CD226: variants seen among roughly 807,000 people sequenced by gnomAD.
The protein encoded by CD226 is CD226 antigen.
Under a neutral mutation model 34.9 loss-of-function variants are expected in CD226, and 24 were observed. The ratio of observed to expected loss-of-function variants is 0.69; its 90% CI spans 0.50 to 0.97. The LOEUF is 0.97. Ranked by LOEUF, CD226 falls within the 50% of genes least tolerant of loss-of-function variation. The pLI is 0.00. For missense variants in CD226, 397 were observed against 412.7 expected, an observed-to-expected ratio of 0.96 and a Z score of 0.33; for synonymous variants, 148 against 147.4, an observed-to-expected ratio of 1.00 and a Z score of -0.03.
chr18:69,924,692 C>CAACAAAA (rs563205777), intron 2 of CD226, among the ~76,000 whole-genome samples: 2 of 57,110 alleles, frequency 3.5e-5, no homozygotes, highest in Non-Finnish European at 6.3e-5. Flanking sequence ...AAGGTATTGC[C>CAACAAAA]AAAAAAAAAA....
intron 3 of CD226, among the ~76,000 whole-genome samples, chr18:69,892,166 T>C (rs1360707779): frequency 6.6e-6 from 1 of 152,232 alleles, no homozygotes; most frequent in East Asian, 1.9e-4. Context: ...ATTATACTTA[T>C]CAATAGCAAA....
chr18:69,900,873 T>A (rs905148127), intron 2 of CD226, among the ~76,000 whole-genome samples: 5 of 152,220 alleles, frequency 3.3e-5, no homozygotes, highest in Non-Finnish European at 5.9e-5. Context: ...TTTACATCTA[T>A]AATAACCCTA....
Position 69,866,248 on chromosome 18 carries a change from G to T in CD226, c.885+1109C>A, listed in dbSNP as rs150634185. On this transcript the variant is annotated intron_variant, in intron 5 of 5. Coordinates refer to ENST00000582621, the MANE Select transcript of CD226 (RefSeq NM_001303618.2). ...GGCATTAGGATTTCAACATATGAAT[G>T]TTGGGAAGACATAAATGTTCAATCC... Among the ~76,000 whole-genome samples the T allele has an allele frequency of 1.6e-3, 250 of 152,326 alleles. 1 individual carries two copies. The highest frequency in any genetic ancestry group is 5.7e-3 in the African/African-American group (235 of 41,580).
intron 2 of CD226, among the ~76,000 whole-genome samples, chr18:69,910,677 C>A (rs1161651654): frequency 6.6e-6 from 1 of 152,146 alleles, no homozygotes; most frequent in Non-Finnish European, 1.5e-5. Flanking sequence ...CGGTAGTATA[C>A]TAGTTTCAGT....
At chr18:69,887,933 A>G (rs1241554465) in intron 3 of CD226, among the ~76,000 whole-genome samples, 1 of 152,208 alleles carries the variant, frequency 6.6e-6, no homozygotes, top group African/African-American at 2.4e-5. Context: ...TAGCTTAAAG[A>G]TAGAAATTGG....
intron 2 of CD226, among the ~76,000 whole-genome samples, chr18:69,900,496 G>T (rs988755310): frequency 6.6e-6 from 1 of 152,046 alleles, no homozygotes; most frequent in African/African-American, 2.4e-5. Flanking sequence ...ACTTTGCGAG[G>T]CCGAGGCGGG....
upstream of CD226, among the ~76,000 whole-genome samples, chr18:69,957,895 GC>G (rs2055909799): frequency 6.6e-6 from 1 of 152,180 alleles, no homozygotes; most frequent in African/African-American, 2.4e-5. Context: ...TGCAAGGCCT[GC>G]GTCATTGATG....
chr18:69,900,170 T>A (rs1174162645), intron 2 of CD226, among the ~76,000 whole-genome samples: 1 of 152,162 alleles, frequency 6.6e-6, no homozygotes, highest in South Asian at 2.1e-4. Context: ...CTCAGTAAAC[T>A]AATGCAGGAA....
upstream of CD226, among the ~76,000 whole-genome samples, chr18:69,959,218 T>C (rs974770638): frequency 6.6e-6 from 1 of 152,070 alleles, no homozygotes; most frequent in Non-Finnish European, 1.5e-5. Flanking sequence ...AATTGCCCTA[T>C]CCCTCCAGAG....
chr18:69,869,799 CTTTTTTTTTTTTT>C lies in CD226; in HGVS notation c.831-2401_831-2389del, dbSNP rs1002754140. On this transcript the variant is annotated intron_variant, in intron 4 of 5. Coordinates refer to ENST00000582621, the MANE Select transcript of CD226 (RefSeq NM_001303618.2). ...CAGGATGAGAGATTTTCTTTTTTTTCTTTTTTTTTTTTTTTTTTTGAGATGGAGTCTCGCTCTG... is the reference window on the plus strand; with the variant it reads ...CAGGATGAGAGATTTTCTTTTTTTTCTTTTTTGAGATGGAGTCTCGCTCTG... Among the ~76,000 whole-genome samples, 5 of 121,694 alleles carry C rather than the reference CTTTTTTTTTTTTT, an allele frequency of 4.1e-5. No homozygotes were observed. The East Asian group carries it at 7.2e-4, about 18-fold the overall frequency. The allele number at this position is 121,694 out of a possible 152,430, so 79.8% of individuals were successfully genotyped here. A position where few individuals can be genotyped will look rare whatever the true frequency, so the allele number is the denominator to read the frequency against.
intron 2 of CD226, among the ~76,000 whole-genome samples, chr18:69,932,114 T>C (rs768164045): frequency 2.0e-5 from 3 of 152,178 alleles, no homozygotes; most frequent in Non-Finnish European, 2.9e-5. Flanking sequence ...CATTTCCAAA[T>C]AGTCACCTTC....
At position 69,933,591 on chromosome 18, in the gene CD226, T is replaced by C. The variant is rs181185947; in HGVS notation, c.382+13143A>G. 2.9e-4 allele frequency among the ~76,000 whole-genome samples: 44 copies of C among 152,354 alleles called. 1 individual carries two copies. Among genetic ancestry groups the C allele is most frequent in the Admixed American group, 2.6e-3 (40 of 15,312 alleles). On this transcript the variant is annotated intron_variant, in intron 2 of 5. Coordinates refer to ENST00000582621, the MANE Select transcript of CD226 (RefSeq NM_001303618.2). Reference sequence around the variant, plus strand: ...TGGCCCAAACGTTTTACATGGCGTATAGGCATACATTCTTTCTTTTCCTCA... The same window carrying C: ...TGGCCCAAACGTTTTACATGGCGTACAGGCATACATTCTTTCTTTTCCTCA...
chr18:69,861,554 G>GTATGTATATATATATATATA lies in CD226; in HGVS notation c.*2759_*2760insTATATATATATATATACATA, dbSNP rs1555675806. The GTATGTATATATATATATATA allele has an allele frequency of 8.6e-5, 11 of 127,948 alleles. No individual in the cohort carries two copies. The highest frequency in any genetic ancestry group is 8.5e-4 in the Admixed American group (10 of 11,704). 7.9% of individuals were successfully genotyped at this position (127,948 alleles called of 1,614,324 possible). ...ATAAATTATATGTGTATATATATAT[G>GTATGTATATATATATATATA]TATATATATATATATATATGTAAAA... On this transcript the variant is annotated 3_prime_UTR_variant, in exon 6 of 6. Transcript: ENST00000582621.
At chr18:69,888,937 G>A (rs1984721970) in intron 3 of CD226, among the ~76,000 whole-genome samples, 1 of 151,916 alleles carries the variant, frequency 6.6e-6, no homozygotes, top group Admixed American at 6.6e-5. Flanking sequence ...TATAAAAAAT[G>A]ACTGCAGGCA....
chr18:69,925,014 T>C (rs1309465577), intron 2 of CD226, among the ~76,000 whole-genome samples: 4 of 152,220 alleles, frequency 2.6e-5, no homozygotes, highest in South Asian at 2.1e-4. Flanking sequence ...AAGCAACATA[T>C]ATTACTTTAA....
At chr18:69,935,400 G>C (rs769291899) in intron 2 of CD226, among the ~76,000 whole-genome samples, 2 of 152,180 alleles carry the variant, frequency 1.3e-5, no homozygotes, top group African/African-American at 4.8e-5. Context: ...CCTTTGAAGT[G>C]AGGAATTTTT....
intron 3 of CD226, among the ~76,000 whole-genome samples, chr18:69,884,397 C>T (rs1984439404): frequency 6.6e-6 from 1 of 150,992 alleles, no homozygotes; most frequent in Non-Finnish European, 1.5e-5. Flanking sequence ...GCTGCTGAGC[C>T]CCAGTCTGCC....
intron 2 of CD226, among the ~76,000 whole-genome samples, chr18:69,896,429 C>T (rs1336611263): frequency 6.6e-6 from 1 of 152,226 alleles, no homozygotes; most frequent in Non-Finnish European, 1.5e-5. Flanking sequence ...GATCCGCCCA[C>T]CTCGGCCTCC....
chr18:69,899,971 A>G lies in CD226; in HGVS notation c.383-3926T>C, dbSNP rs180928690. ...ATAAATCATCCCACTATAAAGACAC[A>G]TATGTACATGAATGTTCACTGCAGC... On this transcript the variant is annotated intron_variant, in intron 2 of 5. Transcript: ENST00000582621. 6.7e-4 allele frequency among the ~76,000 whole-genome samples: 102 copies of G among 152,352 alleles called. 2 individuals carry two copies. The South Asian group carries it at 0.015, about 22-fold the overall frequency.
Sources: allele counts gnomAD v4.1 joint callset (sites outside exome capture counted in the v4.1 genomes callset), GRCh38; gene constraint gnomAD v4.1.1; transcripts MANE v1.5; gene names NCBI Gene and HGNC (gene_info 2026-07-23, HGNC 2026-07-21).